Variants in ADGRL3 observed in about 807,000 individuals in gnomAD.
The protein encoded by ADGRL3 is adhesion G protein-coupled receptor L3, also known as calcium-independent alpha-latrotoxin receptor 3.
Under a neutral mutation model 153.5 loss-of-function variants are expected in ADGRL3, and 62 were observed. That is an observed-to-expected ratio of 0.40 (90% CI 0.33 to 0.50). ADGRL3 has a LOEUF of 0.50. ADGRL3 is among the 20% of genes least tolerant of loss of function. The probability of loss-of-function intolerance (pLI) is 0.47; values close to 1 mark genes in which losing one functional copy is unlikely to be tolerated. For missense variants in ADGRL3, 1,641 were observed against 1,859.4 expected (o/e 0.88, Z 2.16); for synonymous variants, 710 against 672.5 (o/e 1.06, Z -0.86).
chr4:62,059,742 T>C (rs1739053881), intron 25 of ADGRL3, among the ~76,000 whole-genome samples: 1 of 152,136 alleles, frequency 6.6e-6, no homozygotes, highest in South Asian at 2.1e-4. Context: ...AGACTAAATA[T>C]TGTTCCATGT....
At chr4:61,311,953 G>C (rs1364751420) in intron 1 of ADGRL3, among the ~76,000 whole-genome samples, 1 of 152,116 alleles carries the variant, frequency 6.6e-6, no homozygotes, top group African/African-American at 2.4e-5. Context: ...TCTCATGTGG[G>C]ATGTTAATAA....
chr4:61,456,403 CTATA>C (rs370077212), intron 2 of ADGRL3, among the ~76,000 whole-genome samples: 1,338 of 59,278 alleles, frequency 0.023, 54 homozygotes, highest in African/African-American at 0.036. Flanking sequence ...ATATCTATAT[CTATA>C]TATATATAGA....
chr4:61,460,148 G>T (rs1375429917), intron 2 of ADGRL3, among the ~76,000 whole-genome samples: 1 of 151,836 alleles, frequency 6.6e-6, no homozygotes, highest in Non-Finnish European at 1.5e-5. Flanking sequence ...TAAAATCTTT[G>T]CCTAGACCAA....
intron 21 of ADGRL3, among the ~76,000 whole-genome samples, chr4:61,999,358 A>C (rs1171302889): frequency 1.3e-5 from 2 of 152,240 alleles, no homozygotes; most frequent in Non-Finnish European, 2.9e-5. Flanking sequence ...AAAGTAGCTA[A>C]TTTACATTTT....
Position 62,075,306 on chromosome 4 carries a change from C to T in ADGRL3, c.*4398C>T, listed in dbSNP as rs999397219. ...GCTCAAGTGATCCTGCTGTCTCAGCCTTCTGCGTAGCCATGATCACAGGTT... is the reference window on the plus strand; with the variant it reads ...GCTCAAGTGATCCTGCTGTCTCAGCTTTCTGCGTAGCCATGATCACAGGTT... On this transcript the variant is annotated 3_prime_UTR_variant, in exon 27 of 27. Transcript: ENST00000683033. 2.0e-5 allele frequency: 3 copies of T among 152,084 alleles called. No homozygotes were observed. The highest frequency in any genetic ancestry group is 4.4e-5 in the Non-Finnish European group (3 of 68,046). 9.4% of individuals were successfully genotyped at this position (152,084 alleles called of 1,614,324 possible). A position where few individuals can be genotyped will look rare whatever the true frequency, so the allele number is the denominator to read the frequency against.
rs375176904 is a variant in ADGRL3, at chr4:61,432,654, CTT to C, written c.-174+49480_-174+49481del. ...TCTTTCTTTCTTTCTTTCTTTCTTT[CTT>C]TTTTTTTTTTTTTTGAGACAGAATT... On this transcript the variant is annotated intron_variant, in intron 2 of 26. Coordinates refer to ENST00000683033, the MANE Select transcript of ADGRL3 (RefSeq NM_001387552.1). Among the ~76,000 whole-genome samples the C allele has an allele frequency of 3.3e-3, 66 of 19,710 alleles. 1 individual carries two copies. Among genetic ancestry groups the C allele is most frequent in the African/African-American group, 0.012 (64 of 5,154 alleles). 12.9% of individuals were successfully genotyped at this position (19,710 alleles called of 152,430 possible). A position where few individuals can be genotyped will look rare whatever the true frequency, so the allele number is the denominator to read the frequency against.
At chr4:61,957,549 G>GTATGTATTTATTTATT (rs1553893788) in intron 17 of ADGRL3, among the ~76,000 whole-genome samples, 2 of 144,378 alleles carry the variant, frequency 1.4e-5, no homozygotes, top group Non-Finnish European at 3.0e-5. Context: ...TTACATTTAT[G>GTATGTATTTATTTATT]TATTTATTTA....
intron 5 of ADGRL3, among the ~76,000 whole-genome samples, chr4:61,632,543 G>C (rs2093228474): frequency 6.6e-6 from 1 of 152,124 alleles, no homozygotes; most frequent in African/African-American, 2.4e-5. Context: ...TGTCATGCCT[G>C]TTAAGTTCAT....
rs573247589 is a variant in ADGRL3 at position 62,015,569 on chromosome 4, C to T, written c.3396-13286C>T. ...TCATCATCACAGTGCTCTGATTTTT[C>T]TGCCTCCATTGAATTTACTGCATCT... On this transcript the variant is annotated intron_variant, in intron 21 of 26. Coordinates refer to ENST00000683033, the MANE Select transcript of ADGRL3 (RefSeq NM_001387552.1). 1.6e-4 allele frequency among the ~76,000 whole-genome samples: 25 copies of T among 152,210 alleles called. No homozygotes were observed. In the South Asian group the frequency reaches 2.9e-3, roughly 18 times the overall value.
intron 11 of ADGRL3, among the ~76,000 whole-genome samples, chr4:61,903,689 G>C (rs6813659): frequency 8.2e-4 from 99 of 120,342 alleles, no homozygotes; most frequent in African/African-American, 2.9e-3. Context: ...AAAAAGAATA[G>C]AGGGTCAGAA....
chr4:61,378,983 AT>A (rs1157124214), intron 1 of ADGRL3, among the ~76,000 whole-genome samples: 2 of 151,984 alleles, frequency 1.3e-5, no homozygotes, highest in Non-Finnish European at 2.9e-5. Flanking sequence ...ATATTCGTGA[AT>A]TATAGCTTTC....
intron 4 of ADGRL3, among the ~76,000 whole-genome samples, chr4:61,544,727 G>A (rs900074602): frequency 2.6e-5 from 4 of 152,036 alleles, no homozygotes; most frequent in Non-Finnish European, 5.9e-5. Context: ...TTTTTATGGA[G>A]CAAGTCTTAT....
At chr4:62,034,759 C>G (rs1724034161) in intron 23 of ADGRL3, among the ~76,000 whole-genome samples, 1 of 151,758 alleles carries the variant, frequency 6.6e-6, no homozygotes, top group Non-Finnish European at 1.5e-5. Context: ...ATTTTTGTAT[C>G]TCAGTCTTTT....
intron 18 of ADGRL3, among the ~76,000 whole-genome samples, chr4:61,980,948 T>G (rs1479690327): frequency 2.0e-5 from 3 of 152,196 alleles, no homozygotes; most frequent in Non-Finnish European, 4.4e-5. Context: ...ACCATATGTG[T>G]GCAGGTTTTT....
chr4:61,950,382 A>G (rs2098942413), intron 17 of ADGRL3, among the ~76,000 whole-genome samples: 1 of 152,216 alleles, frequency 6.6e-6, no homozygotes, highest in Non-Finnish European at 1.5e-5. Context: ...TAAAAGCTGT[A>G]TATTAAGAGA....
intron 1 of ADGRL3, among the ~76,000 whole-genome samples, chr4:61,330,496 C>T (rs9995784): frequency 0.5 from 76,022 of 151,924 alleles, 20,568 homozygotes; most frequent in East Asian, 0.71. Context: ...GCAGCTTTCC[C>T]GGTTCTCAAG....
chr4:61,208,443 A>G (rs1193411485), intron 1 of ADGRL3, among the ~76,000 whole-genome samples: 1 of 152,136 alleles, frequency 6.6e-6, no homozygotes, highest in African/African-American at 2.4e-5. Flanking sequence ...TGCTATTATG[A>G]TTACTATCAT....
chr4:62,005,200 A>T (rs2099153402), intron 21 of ADGRL3, among the ~76,000 whole-genome samples: 1 of 152,146 alleles, frequency 6.6e-6, no homozygotes, highest in Admixed American at 6.6e-5. Context: ...GTTATTGTCC[A>T]TCTCATTGTA....
chr4:61,235,025 G>C (rs546156591), intron 1 of ADGRL3, among the ~76,000 whole-genome samples: 1 of 152,120 alleles, frequency 6.6e-6, no homozygotes, highest in Non-Finnish European at 1.5e-5. Flanking sequence ...AACCAAATAA[G>C]GTCCCAGAAG....
Sources: gnomAD v4.1 joint callset for allele counts (sites outside exome capture counted in the v4.1 genomes callset) on GRCh38, gnomAD v4.1.1 for gene constraint, MANE v1.5 for transcripts, NCBI Gene and HGNC (gene_info 2026-07-23, HGNC 2026-07-21) for gene names.